The following HECTD4 variants were observed in gnomAD, a reference collection of about 807,000 sequenced individuals.
The protein encoded by HECTD4 is HECT domain E3 ubiquitin protein ligase 4, also known as probable E3 ubiquitin-protein ligase HECTD4.
In HECTD4, 114 loss-of-function variants were observed where a neutral mutation model predicts 471.5. That is an observed-to-expected ratio of 0.24 (90% CI 0.21 to 0.28). HECTD4 has a LOEUF of 0.28. HECTD4 is among the 10% of genes least tolerant of loss of function. HECTD4 has a pLI of 1.00. For missense variants in HECTD4, 3,866 were observed against 5,651.5 expected (o/e 0.68, Z 10.13); for synonymous variants, 2,012 against 2,256.0 (o/e 0.89, Z 3.07).
Position 112,319,693 on chromosome 12 carries a change from C to T in HECTD4, c.227G>A (p.Arg76His), listed in dbSNP as rs756907051. Residue 76 changes from arginine (R) to histidine (H), a missense_variant, in exon 2 of 76, where the codon CGC (arginine) becomes CAC (histidine). Coordinates refer to ENST00000682272, the MANE Select transcript of HECTD4 (RefSeq NM_001388303.1). The surrounding 1 kb of genome is among the most constrained non-coding windows in gnomAD (Gnocchi z 5.3). ...KNPSELAERL[R>H]SVCGNQSNAY... is the part of the protein sequence containing the mutation. ...ATTGCTCTGATTCCCACAAACAGAG[C>T]GCAAACGTTCTGCTAATTCCGACGG... 4.7e-6 allele frequency: 6 copies of T among 1,272,684 alleles called. No homozygotes were observed. Among genetic ancestry groups the T allele is most frequent in the East Asian group, 2.9e-5 (1 of 34,194 alleles). 78.8% of individuals were successfully genotyped at this position (1,272,684 alleles called of 1,614,324 possible). A position where few individuals can be genotyped will look rare whatever the true frequency, so the allele number is the denominator to read the frequency against.
chr12:112,238,548 T>C (rs2033567503), intron 34 of HECTD4, among the ~76,000 whole-genome samples: 1 of 152,132 alleles, frequency 6.6e-6, no homozygotes, highest in South Asian at 2.1e-4. Flanking sequence ...AGTAAGATCC[T>C]GTCTCTAAAA....
intron 62 of HECTD4, among the ~76,000 whole-genome samples, chr12:112,180,848 G>T (rs1196044565): frequency 9.2e-5 from 14 of 152,052 alleles, no homozygotes. Context: ...GCCCACCGAG[G>T]TCTTTGCTCA....
At chr12:112,325,337 T>A (rs2035719005) in intron 1 of HECTD4, among the ~76,000 whole-genome samples, 1 of 152,232 alleles carries the variant, frequency 6.6e-6, no homozygotes, top group Non-Finnish European at 1.5e-5. Context: ...TTTAGCAGTA[T>A]CTAAAGCACA....
At chr12:112,346,344 C>A (rs753706810) in intron 1 of HECTD4, among the ~76,000 whole-genome samples, 4 of 152,204 alleles carry the variant, frequency 2.6e-5, no homozygotes, top group Non-Finnish European at 5.9e-5. Flanking sequence ...GTTTAACAGG[C>A]ATCCCAGAAA....
intron 7 of HECTD4, among the ~76,000 whole-genome samples, chr12:112,303,211 G>A (rs1227856323): frequency 1.3e-5 from 2 of 152,110 alleles, no homozygotes; most frequent in African/African-American, 2.4e-5. Context: ...GCAAATGTGT[G>A]AACAGGAAGG....
Position 112,319,209 on chromosome 12 carries a change from A to G in HECTD4, c.695+16T>C. 2 of 1,535,680 alleles carry G rather than the reference A, an allele frequency of 1.3e-6. No individual in the cohort carries two copies. Among genetic ancestry groups the G allele is most frequent in the Non-Finnish European group, 1.7e-6 (2 of 1,146,628 alleles). On this transcript the variant is annotated intron_variant, in intron 2 of 75. Coordinates refer to ENST00000682272, the MANE Select transcript of HECTD4 (RefSeq NM_001388303.1). The surrounding 1 kb of genome is among the most constrained non-coding windows in gnomAD (Gnocchi z 5.3). ...TAGTCACAAGGTCACCAAATGATAC[A>G]TTCGATTTTCCTTACCTGGCACAAG...
In HECTD4 at chr12:112,161,858, C is replaced by CT. The variant is rs1276675360; in HGVS notation, c.*528dup. 6.6e-6 allele frequency: 1 copy of CT among 152,566 alleles called. No homozygotes were observed. Among genetic ancestry groups the CT allele is most frequent in the African/African-American group, 2.4e-5 (1 of 41,464 alleles). The allele number at this position is 152,566 out of a possible 1,614,324, so 9.5% of individuals were successfully genotyped here. ...TGAACACATAAAGCTCCCTGTGTGT[C>CT]TCACGTGTTTGGGCAATTGGCCCAG... On this transcript the variant is annotated 3_prime_UTR_variant, in exon 76 of 76. Transcript: ENST00000682272.
At chr12:112,316,813 G>A (rs1454194745) in intron 2 of HECTD4, among the ~76,000 whole-genome samples, 3 of 150,924 alleles carry the variant, frequency 2.0e-5, no homozygotes, top group Non-Finnish European at 4.4e-5. Context: ...GACTTCTGAA[G>A]TCCAGAACAT....
intron 68 of HECTD4, 76 bp downstream of exon 68, chr12:112,171,041 C>A: frequency 1.5e-6 from 2 of 1,306,614 alleles, no homozygotes; most frequent in East Asian, 2.5e-5. Context: ...AAGGACGCTG[C>A]CCGTGGATTC....
At chr12:112,236,390 C>T (rs968817383) in intron 35 of HECTD4, among the ~76,000 whole-genome samples, 11 of 152,224 alleles carry the variant, frequency 7.2e-5, no homozygotes, top group Non-Finnish European at 1.3e-4. Context: ...ATGAGTACCT[C>T]AAGACCAAAG....
chr12:112,270,948 GT>G (rs1369549308), intron 11 of HECTD4, among the ~76,000 whole-genome samples: 1 of 152,082 alleles, frequency 6.6e-6, no homozygotes, highest in Non-Finnish European at 1.5e-5. Context: ...AGCTCCTCAT[GT>G]TTTGACATGT....
Position 112,219,365 on chromosome 12 carries a change from G to A in HECTD4, c.7074+21C>T, listed in dbSNP as rs375713964. 1.4e-4 allele frequency: 223 copies of A among 1,587,284 alleles called. No homozygotes were observed. The African/African-American group carries it at 2.5e-3, about 18-fold the overall frequency. On this transcript the variant is annotated intron_variant, in intron 45 of 75. Transcript: ENST00000682272. ...TGTGTGTGGAGGCTGCAGGAGGCGC[G>A]AAGCACCGCAGAGGGCTCACCTGTC...
chr12:112,172,864 T>C lies in HECTD4; in HGVS notation c.11595-3A>G. 1 of 1,613,584 alleles carries C rather than the reference T, an allele frequency of 6.2e-7. No homozygotes were observed. The highest frequency in any genetic ancestry group is 2.2e-5 in the East Asian group (1 of 44,872). On this transcript the variant is annotated splice_region_variant and splice_polypyrimidine_tract_variant and intron_variant, in intron 66 of 75. Coordinates refer to ENST00000682272, the MANE Select transcript of HECTD4 (RefSeq NM_001388303.1). ...GTCGGACATCGATGCATGCGCACCTTGGGGTGGGGACAGGGGGAGAGGGGC... is the reference window on the plus strand; with the variant it reads ...GTCGGACATCGATGCATGCGCACCTCGGGGTGGGGACAGGGGGAGAGGGGC...
intron 22 of HECTD4, among the ~76,000 whole-genome samples, chr12:112,253,230 T>G (rs906041702): frequency 6.6e-6 from 1 of 152,084 alleles, no homozygotes; most frequent in African/African-American, 2.4e-5. Context: ...GTTTAAGCGA[T>G]TCTCCTGTCT....
At chr12:112,171,923 G>A (rs957502859) in intron 67 of HECTD4, among the ~76,000 whole-genome samples, 1 of 151,984 alleles carries the variant, frequency 6.6e-6, no homozygotes, top group Non-Finnish European at 1.5e-5. Flanking sequence ...TTTTTTTGGA[G>A]ACGGAGTTTT....
intron 14 of HECTD4, 35 bp downstream of exon 14, chr12:112,266,877 C>T (rs780955389): frequency 2.2e-5 from 23 of 1,050,148 alleles, no homozygotes; most frequent in South Asian, 1.3e-4. Context: ...AAAAAAAGGA[C>T]GGCTGTTCAA....
intron 40 of HECTD4, 89 bp from the exon 41 acceptor site, chr12:112,229,969 G>T: frequency 1.6e-6 from 2 of 1,244,294 alleles, no homozygotes; most frequent in Admixed American, 5.1e-5. Context: ...CAGTGCCTGG[G>T]TCCCATGTAT....
chr12:112,357,264 TA>T (rs1186734708), intron 1 of HECTD4, among the ~76,000 whole-genome samples: 3 of 150,780 alleles, frequency 2.0e-5, no homozygotes, highest in East Asian at 1.9e-4. Flanking sequence ...AAAGTCATAA[TA>T]AAAAAAAAGT....
intron 1 of HECTD4, among the ~76,000 whole-genome samples, chr12:112,331,160 T>C (rs2035839305): frequency 1.3e-5 from 2 of 152,120 alleles, no homozygotes; most frequent in Admixed American, 6.6e-5. Context: ...AACTGCCGCC[T>C]CCCGGATTCA....
Sources: allele counts gnomAD v4.1 joint callset (sites outside exome capture counted in the v4.1 genomes callset), GRCh38; gene constraint gnomAD v4.1.1; non-coding constraint Gnocchi (gnomAD v3.1); transcripts MANE v1.5; gene names NCBI Gene and HGNC (gene_info 2026-07-23, HGNC 2026-07-21).